The following PPP2R3A variants were observed in gnomAD, a reference collection of about 807,000 sequenced individuals.
PPP2R3A encodes the protein serine/threonine-protein phosphatase 2A regulatory subunit B'' subunit alpha.
In PPP2R3A, 80 loss-of-function variants were observed where a neutral mutation model predicts 106.9. That is an observed-to-expected ratio of 0.75 (90% confidence interval 0.62 to 0.90). The LOEUF is 0.90. PPP2R3A is among the 40% of genes least tolerant of loss of function. The pLI, the probability that PPP2R3A is intolerant of heterozygous loss-of-function variation, is 0.00. For synonymous variants in PPP2R3A, 483 were observed against 468.3 expected, an observed-to-expected ratio of 1.03 and a Z score of -0.41; for missense variants, 1,386 against 1,350.4, an observed-to-expected ratio of 1.03 and a Z score of -0.41.
chr3:136,103,042 A>T (rs1937419392), intron 11 of PPP2R3A, among the ~76,000 whole-genome samples: 1 of 152,210 alleles, frequency 6.6e-6, no homozygotes, highest in African/African-American at 2.4e-5. Context: ...AATTGTTTAA[A>T]TGGTGAACTT....
chr3:136,109,935 CAAG>C (rs1034122206), intron 13 of PPP2R3A, among the ~76,000 whole-genome samples: 43 of 152,028 alleles, frequency 2.8e-4, no homozygotes, highest in African/African-American at 8.4e-4. Context: ...AAACCAATAG[CAAG>C]AAGAAGACCA....
Position 136,041,250 on chromosome 3 carries a change from G to GTTTTTTTTTTTT in PPP2R3A, c.2366+299_2366+300insTTTTTTTTTTTT, listed in dbSNP as rs1246326384. Reference sequence around the variant, plus strand: ...CTTGGTTTTTCTTGTTTTTTTTTTTGTTTTTTTTTTTGTTTTTTTTTTTTT... The same window carrying GTTTTTTTTTTTT: ...CTTGGTTTTTCTTGTTTTTTTTTTTGTTTTTTTTTTTTTTTTTTTTTTTGTTTTTTTTTTTTT... On this transcript the variant is annotated intron_variant, in intron 4 of 13. Transcript: ENST00000264977. 8.5e-4 allele frequency among the ~76,000 whole-genome samples: 48 copies of GTTTTTTTTTTTT among 56,566 alleles called. 7 individuals are homozygous for GTTTTTTTTTTTT. Among genetic ancestry groups the GTTTTTTTTTTTT allele is most frequent in the African/African-American group, 2.0e-3 (34 of 16,880 alleles). The allele number at this position is 56,566 out of a possible 152,430, so 37.1% of individuals were successfully genotyped here. A position where few individuals can be genotyped will look rare whatever the true frequency, so the allele number is the denominator to read the frequency against.
intron 1 of PPP2R3A, among the ~76,000 whole-genome samples, chr3:135,983,393 C>G (rs562825850): frequency 6.6e-6 from 1 of 152,192 alleles, no homozygotes; most frequent in South Asian, 2.1e-4. Context: ...TTCCCTGATT[C>G]ATCACACTGC....
At chr3:136,144,091 T>C (rs764598996) in intron 13 of PPP2R3A, among the ~76,000 whole-genome samples, 2 of 152,212 alleles carry the variant, frequency 1.3e-5, no homozygotes, top group African/African-American at 4.8e-5. Context: ...CCACATCATT[T>C]CCAAGAGAAA....
At chr3:136,040,489 G>A (rs187131078) in intron 3 of PPP2R3A, among the ~76,000 whole-genome samples, 42 of 152,304 alleles carry the variant, frequency 2.8e-4, no homozygotes, top group African/African-American at 9.9e-4. Flanking sequence ...GCAGTGAGCT[G>A]AGATTGTGTC....
chr3:136,115,603 A>G (rs745781188), intron 13 of PPP2R3A, among the ~76,000 whole-genome samples: 1 of 151,886 alleles, frequency 6.6e-6, no homozygotes. Context: ...CGTGAAGCAT[A>G]TACAACTATC....
At chr3:135,977,962 A>C (rs1937465628) in intron 1 of PPP2R3A, among the ~76,000 whole-genome samples, 1 of 151,908 alleles carries the variant, frequency 6.6e-6, no homozygotes, top group African/African-American at 2.4e-5. Flanking sequence ...CAGCCTCCCA[A>C]AGTGCCAGGA....
intron 3 of PPP2R3A, among the ~76,000 whole-genome samples, chr3:136,040,443 G>A (rs1935226564): frequency 6.6e-6 from 1 of 152,180 alleles, no homozygotes; most frequent in Non-Finnish European, 1.5e-5. Context: ...AGGAGGCTGA[G>A]TCAGGAGAAT....
chr3:136,120,025 T>TA (rs796982519), intron 13 of PPP2R3A, among the ~76,000 whole-genome samples: 5 of 146,574 alleles, frequency 3.4e-5, no homozygotes, highest in South Asian at 2.1e-4. Flanking sequence ...TATGCAGCCA[T>TA]AAAAAAGGAT....
chr3:136,125,209 A>G (rs1938139056), intron 13 of PPP2R3A, among the ~76,000 whole-genome samples: 1 of 152,196 alleles, frequency 6.6e-6, no homozygotes, highest in Admixed American at 6.5e-5. Flanking sequence ...AGTCTCAACT[A>G]CTTGGGAGGC....
intron 13 of PPP2R3A, among the ~76,000 whole-genome samples, chr3:136,139,808 A>C (rs1376182159): frequency 2.0e-5 from 3 of 151,772 alleles, no homozygotes; most frequent in Admixed American, 6.6e-5. Context: ...GTTCAAGACT[A>C]GCCTGGCCAA....
chr3:136,139,868 T>C (rs1938786023), intron 13 of PPP2R3A, among the ~76,000 whole-genome samples: 2 of 151,068 alleles, frequency 1.3e-5, no homozygotes, highest in African/African-American at 4.9e-5. Flanking sequence ...TAGCTAGGTG[T>C]GGTGGTGCAT....
chr3:135,997,712 C>T (rs1933456142), intron 1 of PPP2R3A, among the ~76,000 whole-genome samples: 1 of 152,212 alleles, frequency 6.6e-6, no homozygotes, highest in African/African-American at 2.4e-5. Context: ...ACACAAGTCT[C>T]CCAGTACTTA....
chr3:136,041,106 C>A (rs574981966), intron 4 of PPP2R3A, 144 bp downstream of exon 4: 2 of 586,382 alleles, frequency 3.4e-6, no homozygotes, highest in Admixed American at 3.7e-5. Flanking sequence ...TGATTTACAA[C>A]CATTTATACT....
At chr3:136,048,893 C>T (rs1207055339) in intron 4 of PPP2R3A, among the ~76,000 whole-genome samples, 1 of 152,144 alleles carries the variant, frequency 6.6e-6, no homozygotes, top group Admixed American at 6.6e-5. Context: ...TTCATGACGA[C>T]TCCCAAGTTT....
chr3:136,023,412 C>T (rs1337936610), intron 2 of PPP2R3A, among the ~76,000 whole-genome samples: 1 of 152,002 alleles, frequency 6.6e-6, no homozygotes, highest in Non-Finnish European at 1.5e-5. Context: ...AAAAATAGAC[C>T]TTCTGGACCT....
chr3:135,971,191 A>G (rs995742072), intron 1 of PPP2R3A, among the ~76,000 whole-genome samples: 1 of 152,198 alleles, frequency 6.6e-6, no homozygotes, highest in African/African-American at 2.4e-5. Context: ...AAAAACTCTC[A>G]TACTTTGAAG....
chr3:136,097,768 G>C (rs901423771), intron 10 of PPP2R3A, among the ~76,000 whole-genome samples: 1 of 151,942 alleles, frequency 6.6e-6, no homozygotes, highest in African/African-American at 2.4e-5. Context: ...AGAGATCTTA[G>C]AGGCCAGAGG....
At chr3:136,117,042 C>T (rs1243545896) in intron 13 of PPP2R3A, among the ~76,000 whole-genome samples, 1 of 152,200 alleles carries the variant, frequency 6.6e-6, no homozygotes, top group East Asian at 1.9e-4. Flanking sequence ...AACTATCTCT[C>T]AGACCACAGT....
Sources: gnomAD v4.1 joint callset for allele counts (sites outside exome capture counted in the v4.1 genomes callset) on GRCh38, gnomAD v4.1.1 for gene constraint, MANE v1.5 for transcripts, NCBI Gene and HGNC (gene_info 2026-07-23, HGNC 2026-07-21) for gene names.